DLGAP1: variants seen among roughly 807,000 people sequenced by gnomAD.
DLGAP1 encodes the protein disks large-associated protein 1.
Under a neutral mutation model 90.8 loss-of-function variants are expected in DLGAP1, and 11 were observed. That is an observed-to-expected ratio of 0.12 (90% CI 0.08 to 0.20). The LOEUF is 0.20. Among genes scored for constraint, DLGAP1 ranks in the 10% least tolerant of loss-of-function variants. DLGAP1 has a pLI of 1.00. For missense variants in DLGAP1, 1,050 were observed against 1,333.8 expected (o/e 0.79, Z 3.31); for synonymous variants, 558 against 540.7 (o/e 1.03, Z -0.44).
chr18:4,255,966 C>T (rs998628018), intron 1 of DLGAP1, among the ~76,000 whole-genome samples: 1 of 152,048 alleles, frequency 6.6e-6, no homozygotes, highest in African/African-American at 2.4e-5. Flanking sequence ...AACCAAGTTT[C>T]TTTTAATACT....
At chr18:3,814,298 T>C in intron 4 of DLGAP1, 25 bp from the exon 5 acceptor site, 1 of 1,592,338 alleles carries the variant, frequency 6.3e-7, no homozygotes, top group Non-Finnish European at 8.6e-7. Flanking sequence ...AACAGATAAA[T>C]CACTTTTTAT....
At position 3,517,772 on chromosome 18, in the gene DLGAP1, G is replaced by C. The variant is rs183356555; in HGVS notation, c.2480-9111C>G. Reference sequence around the variant, plus strand: ...GCAGAGGTTGCAGTGAGCCGAGATCGTGCCATTGCACTCCAGCCTGGGCAA... The same window carrying C: ...GCAGAGGTTGCAGTGAGCCGAGATCCTGCCATTGCACTCCAGCCTGGGCAA... On this transcript the variant is annotated intron_variant, in intron 10 of 12. Coordinates refer to ENST00000315677, the MANE Select transcript of DLGAP1 (RefSeq NM_004746.4). This position sits in a 1 kb window ranked among gnomAD's most constrained non-coding sequence, Gnocchi z 4.1. 2.0e-5 allele frequency among the ~76,000 whole-genome samples: 3 copies of C among 151,170 alleles called. No homozygotes were observed. Among genetic ancestry groups the C allele is most frequent in the Non-Finnish European group, 2.9e-5 (2 of 67,916 alleles).
At chr18:3,822,520 G>A (rs973552035) in intron 4 of DLGAP1, among the ~76,000 whole-genome samples, 4 of 152,178 alleles carry the variant, frequency 2.6e-5, no homozygotes, top group African/African-American at 9.7e-5. Context: ...GGAAGGAAAC[G>A]AGTAAAGAGC....
Position 3,842,281 on chromosome 18 carries a change from T to C in DLGAP1, c.958-28008A>G, listed in dbSNP as rs140470888. Among the ~76,000 whole-genome samples, 226 of 151,854 alleles carry C rather than the reference T, an allele frequency of 1.5e-3. 1 individual carries two copies. Among genetic ancestry groups the C allele is most frequent in the African/African-American group, 5.1e-3 (212 of 41,412 alleles). On this transcript the variant is annotated intron_variant, in intron 4 of 12. Transcript: ENST00000315677. ...ACAGAGGGAGTGTTAGGAAATGAGA[T>C]TGTGAAGGAAAAAGGTCCCCAGCTA...
intron 3 of DLGAP1, among the ~76,000 whole-genome samples, chr18:3,892,845 A>G (rs2071507873): frequency 6.8e-6 from 1 of 146,564 alleles, no homozygotes; most frequent in Non-Finnish European, 1.5e-5. Flanking sequence ...ATTTTGTTCA[A>G]ATCTAACCAC....
At chr18:4,435,231 C>G (rs933226408) in intron 1 of DLGAP1, among the ~76,000 whole-genome samples, 1 of 152,066 alleles carries the variant, frequency 6.6e-6, no homozygotes, top group African/African-American at 2.4e-5. Context: ...GAGTTGTGGA[C>G]AGGAAGCTTA....
At chr18:4,337,135 A>G (rs2081086693) in intron 1 of DLGAP1, among the ~76,000 whole-genome samples, 1 of 151,222 alleles carries the variant, frequency 6.6e-6, no homozygotes, top group Non-Finnish European at 1.5e-5. Flanking sequence ...AAAAGAAAAA[A>G]AAAAAAAGAG....
At chr18:4,063,785 A>G (rs1158073200) in intron 2 of DLGAP1, among the ~76,000 whole-genome samples, 3 of 152,092 alleles carry the variant, frequency 2.0e-5, no homozygotes, top group Non-Finnish European at 2.9e-5. Context: ...GTTTCTGGCC[A>G]GGCTCTGAGG....
intron 4 of DLGAP1, among the ~76,000 whole-genome samples, chr18:3,862,809 A>C (rs554031213): frequency 5.4e-4 from 83 of 152,374 alleles, no homozygotes; most frequent in African/African-American, 1.9e-3. Context: ...AAGAAGTTTT[A>C]ATGGTGGAAT....
intron 5 of DLGAP1, among the ~76,000 whole-genome samples, chr18:3,813,361 C>G (rs1395219602): frequency 6.6e-6 from 1 of 152,104 alleles, no homozygotes; most frequent in African/African-American, 2.4e-5. Context: ...CTCCATATAG[C>G]CTAAGTGTGT....
At chr18:3,844,275 T>C (rs928035813) in intron 4 of DLGAP1, among the ~76,000 whole-genome samples, 4 of 152,244 alleles carry the variant, frequency 2.6e-5, no homozygotes, top group African/African-American at 9.6e-5. Context: ...TCAGGTGACA[T>C]GGCAGCAAGC....
chr18:3,605,522 C>G (rs1448203028), intron 7 of DLGAP1, among the ~76,000 whole-genome samples: 1 of 152,228 alleles, frequency 6.6e-6, no homozygotes, highest in Non-Finnish European at 1.5e-5. Context: ...AGTATCTTAT[C>G]TCTAGTTCTC....
chr18:3,547,215 G>C (rs2053095320), intron 9 of DLGAP1, among the ~76,000 whole-genome samples: 1 of 150,714 alleles, frequency 6.6e-6, no homozygotes, highest in Non-Finnish European at 1.5e-5. Context: ...GCAGGAGAAT[G>C]GCTTGAACCC....
intron 1 of DLGAP1, among the ~76,000 whole-genome samples, chr18:4,181,433 G>T (rs2077205831): frequency 6.6e-6 from 1 of 152,128 alleles, no homozygotes. Flanking sequence ...TTTCACAGGT[G>T]GTTGAAATAT....
At chr18:3,776,628 C>T (rs567085424) in intron 5 of DLGAP1, among the ~76,000 whole-genome samples, 1 of 152,262 alleles carries the variant, frequency 6.6e-6, no homozygotes, top group East Asian at 1.9e-4. Context: ...GCCTTCCCTG[C>T]GCCAGTGCCA....
At chr18:4,246,824 T>C (rs1316983682) in intron 1 of DLGAP1, among the ~76,000 whole-genome samples, 1 of 152,190 alleles carries the variant, frequency 6.6e-6, no homozygotes, top group African/African-American at 2.4e-5. Flanking sequence ...TTTCAATTTG[T>C]TGTGACATTT....
At chr18:4,309,560 A>T (rs899400466) in intron 1 of DLGAP1, among the ~76,000 whole-genome samples, 1 of 152,198 alleles carries the variant, frequency 6.6e-6, no homozygotes, top group African/African-American at 2.4e-5. Context: ...GAACTGAAAT[A>T]CAAAGAGAAA....
intron 4 of DLGAP1, among the ~76,000 whole-genome samples, chr18:3,833,189 C>T (rs1568210548): frequency 8.0e-5 from 5 of 62,536 alleles, no homozygotes; most frequent in African/African-American, 1.3e-4. Flanking sequence ...TTCCTTCCTT[C>T]CTTCCTTCCT....
chr18:4,336,039 A>C (rs751996477), intron 1 of DLGAP1, among the ~76,000 whole-genome samples: 3 of 152,250 alleles, frequency 2.0e-5, no homozygotes, highest in Non-Finnish European at 4.4e-5. Flanking sequence ...ATCACACAAG[A>C]AGCAGCAAAA....
Sources: gnomAD v4.1 joint callset for allele counts (sites outside exome capture counted in the v4.1 genomes callset) on GRCh38, gnomAD v4.1.1 for gene constraint, Gnocchi (gnomAD v3.1) non-coding constraint, MANE v1.5 for transcripts, NCBI Gene and HGNC (gene_info 2026-07-23, HGNC 2026-07-21) for gene names.